Variants in GTF2IRD2B observed in about 807,000 individuals in gnomAD.
GTF2IRD2B encodes the protein GTF2I repeat domain containing 2B.
GTF2IRD2B carries 10 observed loss-of-function variants against 55.6 expected under a neutral mutation model. The ratio of observed to expected loss-of-function variants is 0.18; its 90% confidence interval spans 0.11 to 0.31. The LOEUF (loss-of-function observed/expected upper bound fraction) is 0.31. Ranked by LOEUF, GTF2IRD2B falls within the 10% of genes least tolerant of loss-of-function variation. The pLI is 1.00. For missense variants in GTF2IRD2B, 206 were observed against 802.7 expected (o/e 0.26, Z 8.98); for synonymous variants, 107 against 320.5 (o/e 0.33, Z 7.12).
At position 75,149,752 on chromosome 7, in the gene GTF2IRD2B, A is replaced by G. The variant is rs1235847186; in HGVS notation, c.*455A>G. The G allele has an allele frequency of 5.3e-6, 1 of 188,696 alleles. No individual in the cohort carries two copies. Among genetic ancestry groups the G allele is most frequent in the Admixed American group, 5.7e-5 (1 of 17,586 alleles). 11.7% of individuals were successfully genotyped at this position (188,696 alleles called of 1,614,324 possible). A position where few individuals can be genotyped will look rare whatever the true frequency, so the allele number is the denominator to read the frequency against. Reference sequence around the variant, plus strand: ...TTGAATCAGAAATATAATCTGCAGTATCATACTTGTTTATATTACATTGTA... The same window carrying G: ...TTGAATCAGAAATATAATCTGCAGTGTCATACTTGTTTATATTACATTGTA... On this transcript the variant is annotated 3_prime_UTR_variant, in exon 16 of 16. Transcript: ENST00000472837.
chr7:75,096,869 T>G (rs1807396046), intron 1 of GTF2IRD2B, among the ~76,000 whole-genome samples: 1 of 133,708 alleles, frequency 7.5e-6, no homozygotes, highest in Non-Finnish European at 1.6e-5. Context: ...CTCAGTGTGG[T>G]GGCTCACGCC....
intron 1 of GTF2IRD2B, among the ~76,000 whole-genome samples, chr7:75,102,152 G>A (rs1807592754): frequency 6.6e-6 from 1 of 150,658 alleles, no homozygotes; most frequent in African/African-American, 2.4e-5. Context: ...ACAGGCGTGC[G>A]CCACCATGCC....
chr7:75,103,210 T>C (rs1350146089), intron 1 of GTF2IRD2B, among the ~76,000 whole-genome samples: 1 of 151,202 alleles, frequency 6.6e-6, no homozygotes, highest in African/African-American at 2.4e-5. Flanking sequence ...ACCTGGGAGG[T>C]AGAGGTTGCA....
chr7:75,116,975 G>C (rs1808179806), intron 3 of GTF2IRD2B, among the ~76,000 whole-genome samples: 1 of 150,700 alleles, frequency 6.6e-6, no homozygotes, highest in Admixed American at 6.7e-5. Flanking sequence ...TTAGCTATCA[G>C]TCTTTCATTG....
chr7:75,116,565 C>T (rs1808163105), intron 3 of GTF2IRD2B, among the ~76,000 whole-genome samples: 1 of 147,472 alleles, frequency 6.8e-6, no homozygotes, highest in Non-Finnish European at 1.5e-5. Flanking sequence ...TTTTTCTTAC[C>T]TAGTTTAATT....
At chr7:75,119,966 A>G (rs1160744428) in intron 3 of GTF2IRD2B, among the ~76,000 whole-genome samples, 4 of 128,776 alleles carry the variant, frequency 3.1e-5, no homozygotes, top group Non-Finnish European at 1.6e-5. Context: ...ATCTCTACTA[A>G]AAAATACAAA....
chr7:75,130,341 C>G (rs1282804404), intron 8 of GTF2IRD2B, among the ~76,000 whole-genome samples: 1 of 42,582 alleles, frequency 2.3e-5, no homozygotes, highest in Non-Finnish European at 5.2e-5. Flanking sequence ...TCACACCTGG[C>G]TAATTTTTTT....
chr7:75,147,375 G>C (rs1458562169), intron 15 of GTF2IRD2B, among the ~76,000 whole-genome samples: 4 of 151,898 alleles, frequency 2.6e-5, no homozygotes, highest in Non-Finnish European at 5.9e-5. Flanking sequence ...AGAAGTTGCA[G>C]TGAGCCGAGA....
rs1406524337 is a variant in GTF2IRD2B, at chr7:75,092,744, C to T, written c.-27C>T. The T allele has an allele frequency of 6.8e-6, 1 of 147,308 alleles. No individual in the cohort carries two copies. The highest frequency in any genetic ancestry group is 1.9e-4 in the East Asian group (1 of 5,206). The allele number at this position is 147,308 out of a possible 1,614,324, so 9.1% of individuals were successfully genotyped here. On this transcript the variant is annotated 5_prime_UTR_variant, in exon 1 of 16. Coordinates refer to ENST00000472837, the MANE Select transcript of GTF2IRD2B (RefSeq NM_001003795.3). ...CAGGCCTCGGACTCCGCGGCCGGCC[C>T]GGCGCGGCCCAGCGCCCTCAGGTGC...
chr7:75,123,048 T>G, intron 4 of GTF2IRD2B, 88 bp from the exon 5 acceptor site: 1 of 1,570,296 alleles, frequency 6.4e-7, no homozygotes, highest in Non-Finnish European at 8.6e-7. Context: ...AGACTCTGTT[T>G]CTACAAAACA....
intron 1 of GTF2IRD2B, among the ~76,000 whole-genome samples, chr7:75,103,677 C>T (rs1459233528): frequency 8.6e-5 from 13 of 151,436 alleles, no homozygotes; most frequent in African/African-American, 2.7e-4. Flanking sequence ...GCCCGTGGGT[C>T]GCCGTCCCCA....
chr7:75,149,504 C>T lies in GTF2IRD2B; in HGVS notation c.*207C>T, dbSNP rs1809265079. On this transcript the variant is annotated 3_prime_UTR_variant, in exon 16 of 16. Coordinates refer to ENST00000472837, the MANE Select transcript of GTF2IRD2B (RefSeq NM_001003795.3). Reference sequence around the variant, plus strand: ...CGAACGATTCTCCTGCCTCAGCCTCCCGAGCAGCTGGGACTACAGGCATGC... The same window carrying T: ...CGAACGATTCTCCTGCCTCAGCCTCTCGAGCAGCTGGGACTACAGGCATGC... 1.8e-6 allele frequency: 1 copy of T among 564,146 alleles called. No individual in the cohort carries two copies. The highest frequency in any genetic ancestry group is 3.2e-6 in the Non-Finnish European group (1 of 315,438). 34.9% of individuals were successfully genotyped at this position (564,146 alleles called of 1,614,324 possible).
rs1284334889 is a variant in GTF2IRD2B, at chr7:75,139,676, A to T, written c.949+649A>T. Reference sequence around the variant, plus strand: ...TAATAATAATAATCTTCTTTTCTGAATATGTGTATGTAAAATATATCTGGA... The same window carrying T: ...TAATAATAATAATCTTCTTTTCTGATTATGTGTATGTAAAATATATCTGGA... On this transcript the variant is annotated intron_variant, in intron 12 of 15. Coordinates refer to ENST00000472837, the MANE Select transcript of GTF2IRD2B (RefSeq NM_001003795.3). Among the ~76,000 whole-genome samples, 8 of 106,598 alleles carry T rather than the reference A, an allele frequency of 7.5e-5. 1 individual carries two copies. The highest frequency in any genetic ancestry group is 0.01 in the Middle Eastern group (2 of 198). 69.9% of individuals were successfully genotyped at this position (106,598 alleles called of 152,430 possible).
intron 6 of GTF2IRD2B, among the ~76,000 whole-genome samples, chr7:75,124,517 AAC>A (rs1808492058): frequency 7.6e-6 from 1 of 132,020 alleles, no homozygotes; most frequent in Non-Finnish European, 1.6e-5. Flanking sequence ...CCGGGGACTA[AAC>A]ACAGTGGAAA....
rs1409250163 is a variant in GTF2IRD2B at position 75,093,552 on chromosome 7, A to C, written c.-6+787A>C. Among the ~76,000 whole-genome samples the C allele has an allele frequency of 2.1e-3, 327 of 152,368 alleles. 4 individuals are homozygous for C. The highest frequency in any genetic ancestry group is 7.2e-3 in the African/African-American group (300 of 41,568). On this transcript the variant is annotated intron_variant, in intron 1 of 15. Transcript: ENST00000472837. ...GAAACCCCAACCCCATTAGGCCGTC[A>C]TTCCCCGGTCCCCACCCCGTCCCTA...
At position 75,148,280 on chromosome 7, in the gene GTF2IRD2B, G is replaced by A. The variant is rs151205791; in HGVS notation, c.1833G>A (p.Ser611=). ...TGAAAAAGTTCTGTATCAACTGGTC[G>A]AGATTAGTAAGCGTGGCCTCCACTG... ...KSLKKFCINW[S]RLVSVASTGT... The change falls in exon 16 of 16, where the codon TCG becomes TCA. Residue 611 remains serine (S), a synonymous_variant. Transcript: ENST00000472837. 4.1e-5 allele frequency: 66 copies of A among 1,613,734 alleles called. No homozygotes were observed. In the East Asian group the frequency reaches 1.2e-3, roughly 29 times the overall value.
Position 75,123,083 on chromosome 7 carries a change from A to C in GTF2IRD2B, c.359-53A>C, listed in dbSNP as rs1382867732. On this transcript the variant is annotated intron_variant, in intron 4 of 15. Coordinates refer to ENST00000472837, the MANE Select transcript of GTF2IRD2B (RefSeq NM_001003795.3). The stretch of plus-strand genomic sequence containing the variant: ...AAAAAACAAAAAACAAAAAAAAAAA[A>C]CTGGTAGAACGTTAGGTTCACACCA... The C allele has an allele frequency of 2.1e-5, 33 of 1,562,800 alleles. 1 individual carries two copies. The highest frequency in any genetic ancestry group is 1.0e-4 in the African/African-American group (7 of 68,628).
intron 1 of GTF2IRD2B, among the ~76,000 whole-genome samples, chr7:75,102,283 G>A (rs1807598573): frequency 6.6e-6 from 1 of 150,650 alleles, no homozygotes; most frequent in South Asian, 2.1e-4. Context: ...TTACAGGCGT[G>A]AGCCACTGTG....
intron 3 of GTF2IRD2B, among the ~76,000 whole-genome samples, chr7:75,116,233 TC>T (rs1480201764): frequency 1.5e-5 from 2 of 136,272 alleles, no homozygotes; most frequent in African/African-American, 5.3e-5. Context: ...CAGCCTGTCT[TC>T]TTTAATTTTT....
Sources: allele counts gnomAD v4.1 joint callset (sites outside exome capture counted in the v4.1 genomes callset), GRCh38; gene constraint gnomAD v4.1.1; transcripts MANE v1.5; gene names NCBI Gene and HGNC (gene_info 2026-07-23, HGNC 2026-07-21).